Variants in AP1M1 observed in about 807,000 individuals in gnomAD.
The protein encoded by AP1M1 is AP-1 complex subunit mu-1.
A neutral mutation model predicts 57.1 loss-of-function variants in AP1M1; 18 were observed. The observed-to-expected ratio is 0.32, with a 90% CI of 0.22 to 0.47. AP1M1 has a LOEUF of 0.47. Ranked by LOEUF, AP1M1 falls within the 20% of genes least tolerant of loss-of-function variation. AP1M1 has a pLI of 1.00. For missense variants in AP1M1, 362 were observed against 593.5 expected (o/e 0.61, Z 4.05); for synonymous variants, 241 against 237.9 (o/e 1.01, Z -0.12).
At chr19:16,200,967 T>C (rs1366436189) in intron 1 of AP1M1, among the ~76,000 whole-genome samples, 5 of 152,152 alleles carry the variant, frequency 3.3e-5, no homozygotes, top group African/African-American at 1.2e-4. Flanking sequence ...CTCAATTTTG[T>C]TCACAGCATT....
chr19:16,242,026 C>T lies in AP1M1; in HGVS notation c.*7591C>T, dbSNP rs1363524765. 6.6e-6 allele frequency: 1 copy of T among 151,970 alleles called. No homozygotes were observed. The highest frequency in any genetic ancestry group is 1.5e-5 in the Non-Finnish European group (1 of 68,366). The allele number at this position is 151,970 out of a possible 1,614,324, so 9.4% of individuals were successfully genotyped here. A position where few individuals can be genotyped will look rare whatever the true frequency, so the allele number is the denominator to read the frequency against. On this transcript the variant is annotated 3_prime_UTR_variant, in exon 12 of 12. Transcript: ENST00000291439. ...AAGAAAGAAAAAGAAAAAGAACAAT[C>T]AGGAGGCCAGGTTCAGTGGCTCATG... is the stretch of plus-strand genomic sequence containing the variant.
In AP1M1 at chr19:16,237,339, C is replaced by G. The variant is rs1396468375; in HGVS notation, c.*2904C>G. The G allele has an allele frequency of 1.3e-5, 2 of 152,304 alleles. No homozygotes were observed. The highest frequency in any genetic ancestry group is 6.5e-5 in the Admixed American group (1 of 15,288). The allele number at this position is 152,304 out of a possible 1,614,324, so 9.4% of individuals were successfully genotyped here. On this transcript the variant is annotated 3_prime_UTR_variant, in exon 12 of 12. Coordinates refer to ENST00000291439, the MANE Select transcript of AP1M1 (RefSeq NM_032493.4). ...ATCCCAGCTACTCAGTATGCTGAGG[C>G]AGGAGAATGGCTTGAACCCAGGAGG...
At chr19:16,198,192 G>A in intron 1 of AP1M1, 124 bp downstream of exon 1, 1 of 1,067,926 alleles carries the variant, frequency 9.4e-7, no homozygotes, top group Non-Finnish European at 1.3e-6. Context: ...CAGAGAGGCC[G>A]GTAGACCTCA....
At chr19:16,233,456 G>T (rs903202108) in intron 9 of AP1M1, 37 bp from the exon 10 acceptor site, 26 of 1,547,130 alleles carry the variant, frequency 1.7e-5, no homozygotes, top group Non-Finnish European at 1.9e-5. Context: ...GCTGGGGCAG[G>T]GCCTAGGCCT....
intron 9 of AP1M1, among the ~76,000 whole-genome samples, chr19:16,232,988 T>C (rs2091605772): frequency 6.6e-6 from 1 of 152,152 alleles, no homozygotes; most frequent in African/African-American, 2.4e-5. Flanking sequence ...TGCTCCTTGG[T>C]TTCTTCCTTT....
intron 4 of AP1M1, among the ~76,000 whole-genome samples, chr19:16,208,554 G>A (rs138599769): frequency 3.3e-5 from 5 of 152,096 alleles, no homozygotes; most frequent in African/African-American, 9.7e-5. Flanking sequence ...ACATTCACTC[G>A]ATTCACAGCC....
chr19:16,209,774 G>T (rs892112587), intron 5 of AP1M1, among the ~76,000 whole-genome samples: 20 of 152,074 alleles, frequency 1.3e-4, no homozygotes, highest in African/African-American at 4.8e-4. Flanking sequence ...CCTGCAGCTT[G>T]TTTTTTTGGT....
At chr19:16,205,777 A>C (rs1308971854) in intron 2 of AP1M1, among the ~76,000 whole-genome samples, 1 of 152,114 alleles carries the variant, frequency 6.6e-6, no homozygotes, top group African/African-American at 2.4e-5. Flanking sequence ...TCTCACCTAC[A>C]TTGCCTTGGT....
At chr19:16,225,686 T>TG (rs1356843037) in intron 5 of AP1M1, among the ~76,000 whole-genome samples, 2 of 152,176 alleles carry the variant, frequency 1.3e-5, no homozygotes, top group Non-Finnish European at 2.9e-5. Flanking sequence ...GAGCAATGCC[T>TG]GGCGCAGTGG....
intron 1 of AP1M1, among the ~76,000 whole-genome samples, chr19:16,202,318 T>C (rs578018848): frequency 6.6e-6 from 1 of 152,294 alleles, no homozygotes; most frequent in African/African-American, 2.4e-5. Context: ...CTGCAGCTGC[T>C]CCAGGCAGCA....
intron 5 of AP1M1, among the ~76,000 whole-genome samples, chr19:16,217,882 G>T (rs2091525615): frequency 6.6e-6 from 1 of 152,152 alleles, no homozygotes. Context: ...GACTTAGGAG[G>T]TGAGGCTTGG....
chr19:16,235,977 C>CT lies in AP1M1; in HGVS notation c.*1543dup, dbSNP rs1280868418. 9 of 152,272 alleles carry CT rather than the reference C, an allele frequency of 5.9e-5. No homozygotes were observed. Among genetic ancestry groups the CT allele is most frequent in the African/African-American group, 1.9e-4 (8 of 41,412 alleles). 9.4% of individuals were successfully genotyped at this position (152,272 alleles called of 1,614,324 possible). A position where few individuals can be genotyped will look rare whatever the true frequency, so the allele number is the denominator to read the frequency against. The stretch of plus-strand genomic sequence containing the variant: ...TCTAGTGGGCATCCGACCTAACAGC[C>CT]TGAGTAGAACCTTCCGCCCACGTAG... On this transcript the variant is annotated 3_prime_UTR_variant, in exon 12 of 12. Transcript: ENST00000291439.
At chr19:16,224,048 G>C (rs943142917) in intron 5 of AP1M1, among the ~76,000 whole-genome samples, 1 of 152,246 alleles carries the variant, frequency 6.6e-6, no homozygotes, top group Non-Finnish European at 1.5e-5. Context: ...GTGTCTCCGT[G>C]ACCTGGGCCA....
intron 5 of AP1M1, 131 bp from the exon 6 acceptor site, chr19:16,226,290 C>A: frequency 7.7e-7 from 1 of 1,303,386 alleles, no homozygotes; most frequent in Non-Finnish European, 1.0e-6. Flanking sequence ...TCAGGGGATG[C>A]CCAGGAGAGG....
rs1004920986 is a variant in AP1M1, at chr19:16,203,721, T to C, written c.199+106T>C. On this transcript the variant is annotated intron_variant, in intron 2 of 11. Transcript: ENST00000291439. This position sits in a 1 kb window ranked among gnomAD's most constrained non-coding sequence, Gnocchi z 4.6. The stretch of plus-strand genomic sequence containing the variant: ...GGCTGGTTTGTGCACAGCGCAAGCA[T>C]TGGACACAGCCATGCCCTCCTGGAG... The C allele has an allele frequency of 1.5e-5, 19 of 1,260,244 alleles. No homozygotes were observed. Among genetic ancestry groups the C allele is most frequent in the East Asian group, 4.8e-5 (2 of 41,940 alleles). 78.1% of individuals were successfully genotyped at this position (1,260,244 alleles called of 1,614,324 possible). A position where few individuals can be genotyped will look rare whatever the true frequency, so the allele number is the denominator to read the frequency against.
rs907855949 is a variant in AP1M1, at chr19:16,235,419, G to C, written c.*984G>C. ...ACAGGGCTTGCCTGGTTTTGTCGCC[G>C]ACCTTCCCTGTGGCCCCACGAGGTG... On this transcript the variant is annotated 3_prime_UTR_variant, in exon 12 of 12. Coordinates refer to ENST00000291439, the MANE Select transcript of AP1M1 (RefSeq NM_032493.4). 6.6e-6 allele frequency: 1 copy of C among 152,214 alleles called. No individual in the cohort carries two copies. The highest frequency in any genetic ancestry group is 2.4e-5 in the African/African-American group (1 of 41,428). 9.4% of individuals were successfully genotyped at this position (152,214 alleles called of 1,614,324 possible).
Position 16,207,460 on chromosome 19 carries a change from T to A in AP1M1, c.268-559T>A, listed in dbSNP as rs1389987998. ...GCGCAGGGGTCAGCAGATCAGAGAA[T>A]GGGGGATGCGGGAAGGGGAAGGTCC... On this transcript the variant is annotated intron_variant, in intron 3 of 11. Transcript: ENST00000291439. The surrounding 1 kb of genome is among the most constrained non-coding windows in gnomAD (Gnocchi z 4.2). 6.6e-6 allele frequency among the ~76,000 whole-genome samples: 1 copy of A among 151,816 alleles called. No homozygotes were observed.
At chr19:16,199,392 C>T (rs1372071474) in intron 1 of AP1M1, among the ~76,000 whole-genome samples, 3 of 152,208 alleles carry the variant, frequency 2.0e-5, no homozygotes, top group East Asian at 1.9e-4. Context: ...GGTCCTCTGC[C>T]TTCTCCTAAG....
rs550578052 is a variant in AP1M1 at position 16,243,432 on chromosome 19, C to CTTTTTTTTTTTTT, written c.*8998_*8999insTTTTTTTTTTTTT. On this transcript the variant is annotated 3_prime_UTR_variant, in exon 12 of 12. Transcript: ENST00000291439. ...TACAGGTGAGCACCACCAAGCTCAG[C>CTTTTTTTTTTTTT]TATTTTTTTTTTTTTTTTGTATTTT... 3.2e-5 allele frequency: 4 copies of CTTTTTTTTTTTTT among 124,266 alleles called. No homozygotes were observed. Among genetic ancestry groups the CTTTTTTTTTTTTT allele is most frequent in the Non-Finnish European group, 4.9e-5 (3 of 60,832 alleles). 7.7% of individuals were successfully genotyped at this position (124,266 alleles called of 1,614,324 possible).
Sources: gnomAD v4.1 joint callset for allele counts (sites outside exome capture counted in the v4.1 genomes callset) on GRCh38, gnomAD v4.1.1 for gene constraint, Gnocchi (gnomAD v3.1) non-coding constraint, MANE v1.5 for transcripts, NCBI Gene and HGNC (gene_info 2026-07-23, HGNC 2026-07-21) for gene names.